Variants in MGA observed in about 807,000 individuals in gnomAD.
MGA encodes MAX dimerization protein MGA, also known as MAX gene-associated protein.
A neutral mutation model predicts 261.1 loss-of-function variants in MGA; 40 were observed. That is an observed-to-expected ratio of 0.15 (90% CI 0.12 to 0.20). The LOEUF (loss-of-function observed/expected upper bound fraction) is 0.20, where lower values mean the gene tolerates loss of function less well. Among genes scored for constraint, MGA ranks in the 10% least tolerant of loss-of-function variants. MGA has a pLI of 1.00. For missense variants in MGA, 3,397 were observed against 3,630.5 expected (o/e 0.94, Z 1.65); for synonymous variants, 1,302 against 1,290.6 (o/e 1.01, Z -0.19).
In MGA at chr15:41,696,982, G is replaced by A; in HGVS notation, c.1972G>A (p.Glu658Lys). 6.3e-7 allele frequency: 1 copy of A among 1,592,206 alleles called. No homozygotes were observed. The highest frequency in any genetic ancestry group is 8.5e-7 in the Non-Finnish European group (1 of 1,170,370). Residue 658 changes from glutamate to lysine, a missense_variant, in exon 3 of 24, where the codon GAA becomes AAA. Around this residue, in one of 9 missense-constraint regions of MGA, gnomAD observed 563 missense variants for 563.6 expected, o/e 1.00. Transcript: ENST00000219905. ...CTTTCCAGATGTGAAGCCTGATCTGGAAGATGTGGATGGTGTTCTCTTTGT... is the reference window on the plus strand; with the variant it reads ...CTTTCCAGATGTGAAGCCTGATCTGAAAGATGTGGATGGTGTTCTCTTTGT...
At chr15:41,630,739 C>G (rs2056571059) in intron 1 of MGA, among the ~76,000 whole-genome samples, 2 of 152,158 alleles carry the variant, frequency 1.3e-5, no homozygotes, top group Non-Finnish European at 2.9e-5. Flanking sequence ...CTTTTCCACC[C>G]AGCTTCTCAG....
At chr15:41,716,666 A>G (rs978890865) in intron 9 of MGA, among the ~76,000 whole-genome samples, 1 of 152,122 alleles carries the variant, frequency 6.6e-6, no homozygotes, top group Non-Finnish European at 1.5e-5. Context: ...TAAGTTATGA[A>G]ATTGAGGTAT....
intron 1 of MGA, among the ~76,000 whole-genome samples, chr15:41,634,703 A>G (rs1404876894): frequency 6.6e-6 from 1 of 152,042 alleles, no homozygotes; most frequent in African/African-American, 2.4e-5. Context: ...GAGTATTGTG[A>G]GCTAAGGCCA....
intron 1 of MGA, among the ~76,000 whole-genome samples, chr15:41,666,374 C>T (rs2057739958): frequency 6.6e-6 from 1 of 152,066 alleles, no homozygotes; most frequent in Admixed American, 6.6e-5. Flanking sequence ...TGTTCTTTTT[C>T]ATTCTTTGGC....
At chr15:41,756,702 A>G (rs920786733) in intron 18 of MGA, among the ~76,000 whole-genome samples, 5 of 152,304 alleles carry the variant, frequency 3.3e-5, no homozygotes, top group African/African-American at 7.2e-5. Flanking sequence ...AATTAAAACA[A>G]TTGGAATTGG....
At chr15:41,726,429 G>A (rs1261904741) in intron 9 of MGA, among the ~76,000 whole-genome samples, 5 of 152,144 alleles carry the variant, frequency 3.3e-5, no homozygotes. Flanking sequence ...ATAAAGTGTG[G>A]TTAAAAGTTA....
chr15:41,668,883 C>G lies in MGA; in HGVS notation c.-12C>G. The G allele has an allele frequency of 6.5e-7, 1 of 1,532,654 alleles. No individual in the cohort carries two copies. The highest frequency in any genetic ancestry group is 8.8e-7 in the Non-Finnish European group (1 of 1,132,952). 94.9% of individuals were successfully genotyped at this position (1,532,654 alleles called of 1,614,324 possible). ...TTACAGTTGTCTTACTACTGAGTTT[C>G]CTACTGAAATCATGGAGGAGAAACA... On this transcript the variant is annotated 5_prime_UTR_variant, in exon 2 of 24. Coordinates refer to ENST00000219905, the MANE Select transcript of MGA (RefSeq NM_001164273.2).
chr15:41,673,040 T>G (rs975044793), intron 2 of MGA, among the ~76,000 whole-genome samples: 1 of 152,316 alleles, frequency 6.6e-6, no homozygotes, highest in South Asian at 2.1e-4. Flanking sequence ...TACTTTAAAC[T>G]CTTATTTTTG....
chr15:41,702,738 C>T (rs2059915231), intron 5 of MGA, among the ~76,000 whole-genome samples: 1 of 152,152 alleles, frequency 6.6e-6, no homozygotes, highest in African/African-American at 2.4e-5. Context: ...GCTATATTTA[C>T]TGTATCTACA....
At position 41,750,430 on chromosome 15, in the gene MGA, C is replaced by T; in HGVS notation, c.6823C>T (p.Leu2275=). 1 of 1,613,580 alleles carries T rather than the reference C, an allele frequency of 6.2e-7. No individual in the cohort carries two copies. Among genetic ancestry groups the T allele is most frequent in the East Asian group, 2.2e-5 (1 of 44,878 alleles). ...GAATGGACATTTTCAGGGTCACTTACTGCTACCTGGAGAACAGATACAACC... is the reference window on the plus strand; with the variant it reads ...GAATGGACATTTTCAGGGTCACTTATTGCTACCTGGAGAACAGATACAACC... The change falls in exon 17 of 24, where the codon CTG becomes TTG. Residue 2275 remains leucine (L), a synonymous_variant. Transcript: ENST00000219905.
chr15:41,696,197 G>A lies in MGA; in HGVS notation c.1187G>A (p.Cys396Tyr). 1 of 1,613,882 alleles carries A rather than the reference G, an allele frequency of 6.2e-7. No homozygotes were observed. Among genetic ancestry groups the A allele is most frequent in the Non-Finnish European group, 8.5e-7 (1 of 1,179,876 alleles). The change falls in exon 3 of 24, where the codon TGC becomes TAC. Residue 396 changes from cysteine to tyrosine, a missense_variant. By Grantham distance (194) the Cys-to-Tyr change is radical. Coordinates refer to ENST00000219905, the MANE Select transcript of MGA (RefSeq NM_001164273.2). ...GATTATGACTACGAACTTGGTGAGT[G>A]CCCAGAAGGGGTCACTGTGAAACAG...
In MGA at chr15:41,696,908, G is replaced by A; in HGVS notation, c.1898G>A (p.Gly633Glu). ...GCAGGACGACCACCTAAGAACACAG[G>A]AAAGTCTTTAATTTCTACAAAGAAT... is the stretch of plus-strand genomic sequence containing the variant. The change falls in exon 3 of 24, where the codon GGA (glycine) becomes GAA (glutamate). Residue 633 changes from glycine (G) to glutamate (E), a missense_variant. Around this residue, in one of 9 missense-constraint regions of MGA, gnomAD observed 563 missense variants for 563.6 expected, o/e 1.00. Transcript: ENST00000219905. The A allele has an allele frequency of 6.3e-7, 1 of 1,599,874 alleles. No homozygotes were observed. Among genetic ancestry groups the A allele is most frequent in the South Asian group, 1.1e-5 (1 of 88,498 alleles).
chr15:41,753,938 G>A (rs1457158903), intron 17 of MGA, among the ~76,000 whole-genome samples: 1 of 151,990 alleles, frequency 6.6e-6, no homozygotes, highest in African/African-American at 2.4e-5. Flanking sequence ...AATTTGTTTT[G>A]AGACAGTCTT....
rs2059710656 is a variant in MGA at position 41,699,266 on chromosome 15, CTCTT to C, written c.2188+115_2188+118del. ...CTCATCTCTTTTTTTCTGTTTTTTCCTCTTTCTTTCTAGCCTTGATTTCATTTCT... is the reference window on the plus strand; with the variant it reads ...CTCATCTCTTTTTTTCTGTTTTTTCCTCTTTCTAGCCTTGATTTCATTTCT... On this transcript the variant is annotated intron_variant, in intron 5 of 23. Coordinates refer to ENST00000219905, the MANE Select transcript of MGA (RefSeq NM_001164273.2). 16 of 720,566 alleles carry C rather than the reference CTCTT, an allele frequency of 2.2e-5. No individual in the cohort carries two copies. In the South Asian group the frequency reaches 3.4e-4, roughly 15 times the overall value. The allele number at this position is 720,566 out of a possible 1,614,324, so 44.6% of individuals were successfully genotyped here.
chr15:41,731,725 T>C (rs1322490083), intron 11 of MGA, among the ~76,000 whole-genome samples: 1 of 152,356 alleles, frequency 6.6e-6, no homozygotes, highest in South Asian at 2.1e-4. Flanking sequence ...ATCCTAATTA[T>C]ACACTATGCC....
In MGA at chr15:41,764,252, ATT is replaced by A. The variant is rs71108132; in HGVS notation, c.7745-616_7745-615del. Among the ~76,000 whole-genome samples, 411 of 109,684 alleles carry A rather than the reference ATT, an allele frequency of 3.7e-3. 2 individuals carry two copies. Among genetic ancestry groups the A allele is most frequent in the East Asian group, 0.01 (38 of 3,692 alleles). The allele number at this position is 109,684 out of a possible 152,430, so 72.0% of individuals were successfully genotyped here. On this transcript the variant is annotated intron_variant, in intron 22 of 23. Transcript: ENST00000219905. ...GAGCCAAAAAAAATCTGGTGTGGGTATTTTTTTTTTTTTTTTTTTGAGACGGA... is the reference window on the plus strand; with the variant it reads ...GAGCCAAAAAAAATCTGGTGTGGGTATTTTTTTTTTTTTTTTTGAGACGGA...
chr15:41,628,624 G>A (rs2056516114), intron 1 of MGA, among the ~76,000 whole-genome samples: 1 of 151,918 alleles, frequency 6.6e-6, no homozygotes, highest in African/African-American at 2.4e-5. Flanking sequence ...GAAGGCTAGT[G>A]TGCCAGAGTT....
At chr15:41,690,334 G>T (rs1002758912) in intron 2 of MGA, among the ~76,000 whole-genome samples, 1 of 152,146 alleles carries the variant, frequency 6.6e-6, no homozygotes, top group Non-Finnish European at 1.5e-5. Context: ...TTATTCATCA[G>T]TTGGACAGTA....
At chr15:41,629,474 C>T (rs1266166786) in intron 1 of MGA, among the ~76,000 whole-genome samples, 3 of 151,806 alleles carry the variant, frequency 2.0e-5, no homozygotes, top group Non-Finnish European at 4.4e-5. Flanking sequence ...ATCAGGGTTG[C>T]GAATATACCT....
Sources: gnomAD v4.1 joint callset for allele counts (sites outside exome capture counted in the v4.1 genomes callset) on GRCh38, gnomAD v4.1.1 for gene constraint, gnomAD v4.1.1 regional missense constraint, MANE v1.5 for transcripts, NCBI Gene and HGNC (gene_info 2026-07-23, HGNC 2026-07-21) for gene names.